The following LMO7 variants were observed in gnomAD, a reference collection of about 807,000 sequenced individuals.
The protein encoded by LMO7 is LIM domain 7.
Under a neutral mutation model 206.5 loss-of-function variants are expected in LMO7, and 120 were observed. The ratio of observed to expected loss-of-function variants is 0.58; its 90% CI spans 0.50 to 0.68. LMO7 has a LOEUF of 0.68. LMO7 is among the 30% of genes least tolerant of loss of function. The probability of loss-of-function intolerance (pLI) is 0.00; values close to 1 mark genes in which losing one functional copy is unlikely to be tolerated. For synonymous variants in LMO7, 706 were observed against 681.5 expected (o/e 1.04, Z -0.56); for missense variants, 1,959 against 1,957.9 (o/e 1.00, Z -0.01).
chr13:75,820,117 C>T (rs574761153), intron 13 of LMO7, among the ~76,000 whole-genome samples: 7 of 152,174 alleles, frequency 4.6e-5, no homozygotes, highest in South Asian at 4.1e-4. Context: ...AAGGAAAATA[C>T]GCTTTTAGAA....
At chr13:75,723,023 G>A (rs962974915) in intron 2 of LMO7, among the ~76,000 whole-genome samples, 3 of 152,144 alleles carry the variant, frequency 2.0e-5, no homozygotes, top group African/African-American at 7.2e-5. Flanking sequence ...GGGGGAAAGA[G>A]TGGGGAGTGT....
At chr13:75,682,333 G>A (rs1402946923) in intron 1 of LMO7, among the ~76,000 whole-genome samples, 3 of 152,292 alleles carry the variant, frequency 2.0e-5, no homozygotes, top group African/African-American at 7.2e-5. Flanking sequence ...AGGACAAATG[G>A]CACACAAAGT....
intron 4 of LMO7, among the ~76,000 whole-genome samples, chr13:75,767,973 C>G (rs1165559409): frequency 6.6e-6 from 1 of 152,008 alleles, no homozygotes; most frequent in Non-Finnish European, 1.5e-5. Flanking sequence ...GTAAATTAGA[C>G]AGTTGTAATT....
chr13:75,645,182 T>C (rs1386402278), intron 1 of LMO7, among the ~76,000 whole-genome samples: 1 of 152,202 alleles, frequency 6.6e-6, no homozygotes, highest in African/African-American at 2.4e-5. Flanking sequence ...GTACAGATGG[T>C]TATTGTATAG....
At chr13:75,674,929 A>T (rs2039881574) in intron 1 of LMO7, among the ~76,000 whole-genome samples, 1 of 152,226 alleles carries the variant, frequency 6.6e-6, no homozygotes, top group Non-Finnish European at 1.5e-5. Flanking sequence ...ATCTTGTTGA[A>T]ATTACTGGAT....
At chr13:75,851,085 A>G (rs1159967907) in intron 27 of LMO7, among the ~76,000 whole-genome samples, 1 of 152,200 alleles carries the variant, frequency 6.6e-6, no homozygotes, top group East Asian at 1.9e-4. Context: ...TGCCATGTGC[A>G]TCATGTTTGC....
rs1469859623 is a variant in LMO7 at position 75,855,379 on chromosome 13, G to A, written c.4770+11G>A. ...TTGCATTGTTTTAAGGTGAGACTGA[G>A]ACAAACAGCTTGCAGGCCTGCAAAG... On this transcript the variant is annotated intron_variant, in intron 29 of 30. Coordinates refer to ENST00000377534, the MANE Select transcript of LMO7 (RefSeq NM_001306080.2). The A allele has an allele frequency of 8.3e-6, 13 of 1,569,436 alleles. No individual in the cohort carries two copies. The highest frequency in any genetic ancestry group is 1.1e-5 in the Non-Finnish European group (13 of 1,140,180).
At chr13:75,832,056 G>T (rs1312354559) in intron 15 of LMO7, among the ~76,000 whole-genome samples, 1 of 152,058 alleles carries the variant, frequency 6.6e-6, no homozygotes, top group Non-Finnish European at 1.5e-5. Flanking sequence ...AAGTAAAACA[G>T]GTTTAGGAAG....
At chr13:75,758,793 T>A (rs537766173) in intron 3 of LMO7, among the ~76,000 whole-genome samples, 1 of 152,360 alleles carries the variant, frequency 6.6e-6, no homozygotes, top group South Asian at 2.1e-4. Flanking sequence ...AGTTTACTTT[T>A]AGTTTAACCT....
intron 27 of LMO7, among the ~76,000 whole-genome samples, chr13:75,851,615 A>AT (rs1383993228): frequency 2.0e-5 from 3 of 152,258 alleles, no homozygotes; most frequent in African/African-American, 7.2e-5. Context: ...TTTGAAAGCA[A>AT]TAAAAATAAA....
At chr13:75,819,326 A>T in intron 12 of LMO7, 67 bp from the exon 13 acceptor site, 1 of 1,490,394 alleles carries the variant, frequency 6.7e-7, no homozygotes. Context: ...ACTCTGGCAC[A>T]TTCTGTCTGC....
chr13:75,855,608 A>G (rs2060867659), intron 29 of LMO7, among the ~76,000 whole-genome samples: 1 of 152,210 alleles, frequency 6.6e-6, no homozygotes, highest in African/African-American at 2.4e-5. Flanking sequence ...AGAATTCTAT[A>G]CATTTACAGT....
chr13:75,823,763 G>A lies in LMO7; in HGVS notation c.2839G>A (p.Asp947Asn). Residue 947 changes from aspartate to asparagine, a missense_variant, in exon 15 of 31, where the codon GAC becomes AAC. Coordinates refer to ENST00000377534, the MANE Select transcript of LMO7 (RefSeq NM_001306080.2). ...ATCCCCCTTCTCATCTCTTTCCCAAGACCAGGCTGCCACTTCTAAAGCCAC... is the reference window on the plus strand; with the variant it reads ...ATCCCCCTTCTCATCTCTTTCCCAAAACCAGGCTGCCACTTCTAAAGCCAC... ...PTSPFSSLSQ[D>N]QAATSKATLS... 1 of 1,614,096 alleles carries A rather than the reference G, an allele frequency of 6.2e-7. No homozygotes were observed. Among genetic ancestry groups the A allele is most frequent in the Non-Finnish European group, 8.5e-7 (1 of 1,179,986 alleles).
At chr13:75,775,484 G>T (rs1166145627) in intron 4 of LMO7, among the ~76,000 whole-genome samples, 1 of 151,930 alleles carries the variant, frequency 6.6e-6, no homozygotes, top group African/African-American at 2.4e-5. Flanking sequence ...AAACTAAAAA[G>T]CTTCTGCAAA....
intron 4 of LMO7, among the ~76,000 whole-genome samples, chr13:75,781,087 T>G (rs4885348): frequency 0.32 from 38,687 of 122,104 alleles, 6,994 homozygotes; most frequent in East Asian, 0.55. Flanking sequence ...TTAACCTTAC[T>G]CTATTTTCCT....
intron 26 of LMO7, among the ~76,000 whole-genome samples, chr13:75,847,339 C>G (rs147090888): frequency 6.6e-6 from 1 of 152,158 alleles, no homozygotes; most frequent in African/African-American, 2.4e-5. Context: ...AGAGTCCTCA[C>G]GATAAAACCT....
chr13:75,830,850 A>G (rs576991690), intron 15 of LMO7, among the ~76,000 whole-genome samples: 65 of 152,264 alleles, frequency 4.3e-4, no homozygotes, highest in African/African-American at 1.5e-3. Context: ...ATGTAGTTTG[A>G]GAGTATTTAT....
rs779194697 is a variant in LMO7 at position 75,727,084 on chromosome 13, C to A, written c.196C>A (p.Pro66Thr). The change falls in exon 3 of 31, where the codon CCA becomes ACA. Residue 66 changes from proline (P) to threonine (T), a missense_variant. Pro to Thr is a conservative substitution (Grantham distance 38). Coordinates refer to ENST00000377534, the MANE Select transcript of LMO7 (RefSeq NM_001306080.2). ...TAAGAAGATCAATAGACTGTCTACACCAATAGCAGGATTGGTAAGTAGTAA... is the reference window on the plus strand; with the variant it reads ...TAAGAAGATCAATAGACTGTCTACAACAATAGCAGGATTGGTAAGTAGTAA... ...VIKKINRLST[P>T]IAGLDNINVF... 6.3e-7 allele frequency: 1 copy of A among 1,581,564 alleles called. No homozygotes were observed. The highest frequency in any genetic ancestry group is 8.7e-7 in the Non-Finnish European group (1 of 1,152,254).
At chr13:75,829,176 AGAG>A in intron 15 of LMO7, among the ~76,000 whole-genome samples, 1 of 152,308 alleles carries the variant, frequency 6.6e-6, no homozygotes, top group South Asian at 2.1e-4. Context: ...CACAATGAAA[AGAG>A]AAGAGAAAAA....
Sources: allele counts gnomAD v4.1 joint callset (sites outside exome capture counted in the v4.1 genomes callset), GRCh38; gene constraint gnomAD v4.1.1; transcripts MANE v1.5; gene names NCBI Gene and HGNC (gene_info 2026-07-23, HGNC 2026-07-21).